Variants in NPR3 observed in about 807,000 individuals in gnomAD.
NPR3 encodes the protein atrial natriuretic peptide receptor 3.
Under a neutral mutation model 54.5 loss-of-function variants are expected in NPR3, and 34 were observed. The ratio of observed to expected loss-of-function variants is 0.62; its 90% CI spans 0.47 to 0.83. The LOEUF (loss-of-function observed/expected upper bound fraction) is 0.83, where lower values mean the gene tolerates loss of function less well. Ranked by LOEUF, NPR3 falls within the 40% of genes least tolerant of loss-of-function variation. The pLI is 0.00. For synonymous variants in NPR3, 289 were observed against 297.1 expected (o/e 0.97, Z 0.28); for missense variants, 674 against 720.8 (o/e 0.94, Z 0.74).
In NPR3 at chr5:32,788,361, C is replaced by T. The variant is rs1255510079; in HGVS notation, c.*2016C>T. On this transcript the variant is annotated 3_prime_UTR_variant, in exon 8 of 8. Coordinates refer to ENST00000265074, the MANE Select transcript of NPR3 (RefSeq NM_001204375.2). ...AGAAGTAAAATCCAGGCAAGCAAAG[C>T]GTTGTACCACTTGGGACTCCCCAAA... The T allele has an allele frequency of 2.0e-5, 3 of 152,150 alleles. No individual in the cohort carries two copies. The highest frequency in any genetic ancestry group is 1.9e-4 in the East Asian group (1 of 5,196). The allele number at this position is 152,150 out of a possible 1,614,324, so 9.4% of individuals were successfully genotyped here. A position where few individuals can be genotyped will look rare whatever the true frequency, so the allele number is the denominator to read the frequency against.
At chr5:32,751,469 T>G (rs548342627) in intron 3 of NPR3, among the ~76,000 whole-genome samples, 4 of 152,302 alleles carry the variant, frequency 2.6e-5, no homozygotes, top group Admixed American at 2.6e-4. Flanking sequence ...GCCTTGTTCT[T>G]GTTTTTGGGG....
At chr5:32,694,741 A>G (rs1740482539) in intron 1 of NPR3, among the ~76,000 whole-genome samples, 1 of 152,210 alleles carries the variant, frequency 6.6e-6, no homozygotes, top group African/African-American at 2.4e-5. Context: ...AAAATGTACA[A>G]CAAATTATTG....
intron 4 of NPR3, among the ~76,000 whole-genome samples, chr5:32,776,308 A>C (rs942969564): frequency 6.6e-6 from 1 of 152,252 alleles, no homozygotes; most frequent in African/African-American, 2.4e-5. Context: ...TTCTTTAACC[A>C]ATCTCCTATT....
In NPR3 at chr5:32,774,752, C is replaced by CATGAA; in HGVS notation, c.1104_1105insATGAA (p.Val369MetfsTer40). 1.2e-6 allele frequency: 2 copies of CATGAA among 1,606,978 alleles called. No homozygotes were observed. The highest frequency in any genetic ancestry group is 8.5e-7 in the Non-Finnish European group (1 of 1,173,542). ...GATTCCACGATGCCATCCTCCTCTA[C>CATGAA]GTCTTGGCTCTACATGAAGTACTCA... On this transcript the variant is annotated frameshift_variant, in exon 4 of 8. Transcript: ENST00000265074. LOFTEE classifies it high-confidence loss of function.
rs965410349 is a variant in NPR3, at chr5:32,790,237, T to G, written c.*3892T>G. 4.3e-5 allele frequency: 7 copies of G among 162,584 alleles called. No individual in the cohort carries two copies. Among genetic ancestry groups the G allele is most frequent in the African/African-American group, 2.1e-4 (7 of 33,058 alleles). 10.1% of individuals were successfully genotyped at this position (162,584 alleles called of 1,614,324 possible). ...TTAGAACTCAAGAATAATCAATAAT[T>G]TAGTGCCCCTTCAACAGCCATACTC... On this transcript the variant is annotated 3_prime_UTR_variant, in exon 8 of 8. Transcript: ENST00000265074.
At chr5:32,777,167 G>C (rs896085936) in intron 4 of NPR3, among the ~76,000 whole-genome samples, 1 of 152,218 alleles carries the variant, frequency 6.6e-6, no homozygotes, top group African/African-American at 2.4e-5. Context: ...GGCTCCACCT[G>C]GGTGAGACAG....
upstream of NPR3, chr5:32,710,558 G>T: frequency 7.6e-7 from 1 of 1,320,722 alleles, no homozygotes; most frequent in South Asian, 1.9e-5. Context: ...GCACCGCTGC[G>T]ATTCCAGCGC....
intron 2 of NPR3, among the ~76,000 whole-genome samples, chr5:32,725,662 G>A (rs76732650): frequency 0.081 from 12,265 of 152,276 alleles, 583 homozygotes; most frequent in Middle Eastern, 0.19. Flanking sequence ...CTGAATAGGT[G>A]AAGTGTGTCA....
chr5:32,742,106 T>G (rs1329951528), intron 3 of NPR3, among the ~76,000 whole-genome samples: 2 of 151,888 alleles, frequency 1.3e-5, no homozygotes, highest in African/African-American at 4.8e-5. Context: ...TTCTCTTATT[T>G]GTGCTAATGA....
chr5:32,764,316 T>C (rs1277855788), intron 3 of NPR3, among the ~76,000 whole-genome samples: 1 of 152,074 alleles, frequency 6.6e-6, no homozygotes, highest in East Asian at 1.9e-4. Context: ...GCCAAGAAGC[T>C]TGTGACCTTC....
At chr5:32,735,734 C>T (rs556387896) in intron 2 of NPR3, among the ~76,000 whole-genome samples, 2 of 152,206 alleles carry the variant, frequency 1.3e-5, no homozygotes, top group East Asian at 3.9e-4. Flanking sequence ...TAAGTTTGTC[C>T]CCACTGATGG....
intron 3 of NPR3, among the ~76,000 whole-genome samples, chr5:32,771,841 A>C (rs1741777275): frequency 6.6e-6 from 1 of 152,158 alleles, no homozygotes; most frequent in Non-Finnish European, 1.5e-5. Context: ...GAATTTGATC[A>C]GAGCTTTCCG....
chr5:32,708,116 C>G (rs1738047080), upstream of NPR3, among the ~76,000 whole-genome samples: 1 of 151,386 alleles, frequency 6.6e-6, no homozygotes, highest in African/African-American at 2.4e-5. Flanking sequence ...TTAGAGCTAA[C>G]ATTGTCTTTC....
rs116825984 is a variant in NPR3, at chr5:32,783,990, T to G, written c.1427-806T>G. ...TGGGATACTACTGAACTTGATTGTT[T>G]CAAATTGTTATCCACATTTTCCAAA... On this transcript the variant is annotated intron_variant, in intron 6 of 7. Transcript: ENST00000265074. Among the ~76,000 whole-genome samples the G allele has an allele frequency of 1.9e-3, 293 of 152,352 alleles. 1 individual carries two copies. Among genetic ancestry groups the G allele is most frequent in the African/African-American group, 6.8e-3 (281 of 41,582 alleles).
intron 3 of NPR3, among the ~76,000 whole-genome samples, chr5:32,751,486 T>C (rs975994584): frequency 6.6e-6 from 1 of 152,170 alleles, no homozygotes; most frequent in African/African-American, 2.4e-5. Flanking sequence ...GGGGTAGAAT[T>C]TGGTAAATGC....
At chr5:32,724,667 G>A (rs760891791) in intron 1 of NPR3, 31 bp from the exon 2 acceptor site, 4 of 1,613,486 alleles carry the variant, frequency 2.5e-6, no homozygotes, top group Non-Finnish European at 2.5e-6. Flanking sequence ...GCAAAGGGGT[G>A]CCTCATGTGT....
At chr5:32,738,637 G>C (rs1376296158) in intron 2 of NPR3, among the ~76,000 whole-genome samples, 1 of 152,176 alleles carries the variant, frequency 6.6e-6, no homozygotes, top group Non-Finnish European at 1.5e-5. Context: ...TACCTCAACA[G>C]TACTCTTCTT....
At chr5:32,754,340 G>T (rs1740725258) in intron 3 of NPR3, among the ~76,000 whole-genome samples, 1 of 148,804 alleles carries the variant, frequency 6.7e-6, no homozygotes, top group Non-Finnish European at 1.5e-5. Context: ...AAAAATGATT[G>T]TAAAGGGTTT....
rs539282011 is a variant in NPR3, at chr5:32,750,695, C to G, written c.1059+11665C>G. ...GAGAGACAGGATGTATTTGAGAGAG[C>G]GAGTGAACATATGTTTTGGTCCAAA... On this transcript the variant is annotated intron_variant, in intron 3 of 7. Coordinates refer to ENST00000265074, the MANE Select transcript of NPR3 (RefSeq NM_001204375.2). Among the ~76,000 whole-genome samples the G allele has an allele frequency of 5.5e-4, 83 of 152,142 alleles. No individual in the cohort carries two copies. The South Asian group carries it at 0.017, about 31-fold the overall frequency.
Sources: gnomAD v4.1 joint callset for allele counts (sites outside exome capture counted in the v4.1 genomes callset) on GRCh38, gnomAD v4.1.1 for gene constraint, MANE v1.5 for transcripts, NCBI Gene and HGNC (gene_info 2026-07-23, HGNC 2026-07-21) for gene names.